Variants in TBCEL observed in about 807,000 individuals in gnomAD.
The protein encoded by TBCEL is tubulin folding cofactor E like, also known as tubulin-specific chaperone cofactor E-like protein.
TBCEL carries 15 observed loss-of-function variants against 44.2 expected under a neutral mutation model. The observed-to-expected ratio is 0.34, with a 90% CI of 0.23 to 0.52. The LOEUF is 0.52. TBCEL is among the 20% of genes least tolerant of loss of function. The probability of loss-of-function intolerance (pLI) is 0.95; values close to 1 mark genes in which losing one functional copy is unlikely to be tolerated. For synonymous variants in TBCEL, 171 were observed against 185.4 expected, an observed-to-expected ratio of 0.92 and a Z score of 0.63; for missense variants, 319 against 506.3, an observed-to-expected ratio of 0.63 and a Z score of 3.55.
intron 7 of TBCEL, among the ~76,000 whole-genome samples, chr11:121,058,919 T>A (rs1377277845): frequency 6.6e-6 from 1 of 151,972 alleles, no homozygotes; most frequent in Non-Finnish European, 1.5e-5. Context: ...GTAGATTGAC[T>A]TAAATATGAC....
intron 8 of TBCEL, among the ~76,000 whole-genome samples, chr11:121,082,354 C>T (rs1251260707): frequency 6.6e-6 from 1 of 152,302 alleles, no homozygotes; most frequent in East Asian, 1.9e-4. Context: ...TTATACTTTT[C>T]ATGTGTGCCA....
chr11:121,068,754 G>A lies in TBCEL; in HGVS notation c.956+8669G>A, dbSNP rs1176096480. Reference sequence around the variant, plus strand: ...CAAAAAAAATTACTTAGGCATGGTAGTGCATACCTGTAATCCCAGCTACTC... The same window carrying A: ...CAAAAAAAATTACTTAGGCATGGTAATGCATACCTGTAATCCCAGCTACTC... On this transcript the variant is annotated intron_variant, in intron 8 of 8. Coordinates refer to ENST00000683345, the MANE Select transcript of TBCEL (RefSeq NM_001363644.2). 2.6e-5 allele frequency among the ~76,000 whole-genome samples: 4 copies of A among 152,112 alleles called. No homozygotes were observed. In the East Asian group the frequency reaches 5.8e-4, roughly 22 times the overall value.
intron 4 of TBCEL, among the ~76,000 whole-genome samples, chr11:121,049,220 T>C (rs1945486419): frequency 6.6e-6 from 1 of 151,900 alleles, no homozygotes; most frequent in Non-Finnish European, 1.5e-5. Context: ...TCTTAAGAAA[T>C]TTACTTAATC....
At chr11:121,050,138 A>C (rs1279989355) in intron 4 of TBCEL, among the ~76,000 whole-genome samples, 1 of 151,734 alleles carries the variant, frequency 6.6e-6, no homozygotes, top group Non-Finnish European at 1.5e-5. Flanking sequence ...AAAAGGGAGA[A>C]ATATGACAAA....
At chr11:121,030,129 C>T (rs1030104093) in intron 1 of TBCEL, among the ~76,000 whole-genome samples, 1 of 152,104 alleles carries the variant, frequency 6.6e-6, no homozygotes, top group African/African-American at 2.4e-5. Flanking sequence ...GACTTAAACA[C>T]TGAGATGAAG....
chr11:121,080,304 G>T (rs1946102877), intron 8 of TBCEL, among the ~76,000 whole-genome samples: 1 of 152,152 alleles, frequency 6.6e-6, no homozygotes, highest in African/African-American at 2.4e-5. Flanking sequence ...TGCATTTCAG[G>T]AATGATAGAT....
chr11:121,085,086 T>G (rs552731602), intron 8 of TBCEL, among the ~76,000 whole-genome samples: 43 of 152,126 alleles, frequency 2.8e-4, no homozygotes, highest in Admixed American at 7.2e-4. Context: ...TCACCCAGGC[T>G]GGAGTGCAGT....
chr11:121,035,062 T>C (rs2000526), intron 1 of TBCEL, among the ~76,000 whole-genome samples: 22,418 of 152,158 alleles, frequency 0.15, 1,888 homozygotes, highest in East Asian at 0.33. Context: ...TAACAAAAAT[T>C]GCAAGTTAGT....
In TBCEL at chr11:121,087,280, A is replaced by G. The variant is rs759384161; in HGVS notation, c.*184A>G. 37 of 607,720 alleles carry G rather than the reference A, an allele frequency of 6.1e-5. No individual in the cohort carries two copies. The highest frequency in any genetic ancestry group is 9.4e-5 in the Admixed American group (3 of 32,012). 37.6% of individuals were successfully genotyped at this position (607,720 alleles called of 1,614,324 possible). The stretch of plus-strand genomic sequence containing the variant: ...GGGCCATTTTTGGGTGTTTTCTACC[A>G]CAGATTGATTTGGCTCAGCCAGCGG... On this transcript the variant is annotated 3_prime_UTR_variant, in exon 9 of 9. Coordinates refer to ENST00000683345, the MANE Select transcript of TBCEL (RefSeq NM_001363644.2).
chr11:121,067,310 A>G (rs1169882929), intron 8 of TBCEL, among the ~76,000 whole-genome samples: 1 of 152,218 alleles, frequency 6.6e-6, no homozygotes, highest in African/African-American at 2.4e-5. Context: ...ATGAAATGCA[A>G]AATCTGAATC....
At chr11:121,039,155 C>T (rs2134900546) in intron 2 of TBCEL, among the ~76,000 whole-genome samples, 1 of 152,302 alleles carries the variant, frequency 6.6e-6, no homozygotes, top group East Asian at 1.9e-4. Flanking sequence ...CCTGCTTTCC[C>T]CCTCGTCAGC....
chr11:121,060,262 A>G (rs1041192726), intron 8 of TBCEL, among the ~76,000 whole-genome samples, 177 bp downstream of exon 8: 10 of 151,944 alleles, frequency 6.6e-5, no homozygotes, highest in African/African-American at 2.4e-4. Context: ...TTTCCACAGT[A>G]TATTTCTTTC....
At chr11:121,073,814 G>A (rs540650233) in intron 8 of TBCEL, among the ~76,000 whole-genome samples, 1 of 151,754 alleles carries the variant, frequency 6.6e-6, no homozygotes, top group African/African-American at 2.4e-5. Flanking sequence ...TGTTCTTTTT[G>A]CATTGAGATG....
At chr11:121,043,905 GT>G (rs1945380082) in intron 2 of TBCEL, among the ~76,000 whole-genome samples, 1 of 151,908 alleles carries the variant, frequency 6.6e-6, no homozygotes. Context: ...ACTCCAGATT[GT>G]TTCCCTGGAT....
chr11:121,067,088 T>G (rs557270187), intron 8 of TBCEL, among the ~76,000 whole-genome samples: 6 of 152,326 alleles, frequency 3.9e-5, no homozygotes, highest in East Asian at 1.9e-4. Context: ...CTAATTAACT[T>G]TAACATAAAG....
At chr11:121,071,389 A>G (rs1945929128) in intron 8 of TBCEL, among the ~76,000 whole-genome samples, 1 of 152,172 alleles carries the variant, frequency 6.6e-6, no homozygotes, top group Admixed American at 6.5e-5. Flanking sequence ...AAGTAAATGC[A>G]TTGATTTAGG....
intron 1 of TBCEL, among the ~76,000 whole-genome samples, chr11:121,025,836 G>T (rs10892662): frequency 0.2 from 30,699 of 151,738 alleles, 3,243 homozygotes; most frequent in East Asian, 0.32. Context: ...TTTTCTGAAG[G>T]ACCATAATCT....
intron 4 of TBCEL, among the ~76,000 whole-genome samples, chr11:121,050,673 A>G (rs541008193): frequency 1.4e-4 from 21 of 151,804 alleles, no homozygotes; most frequent in African/African-American, 4.6e-4. Context: ...AGGAGGGAGG[A>G]AGTAGCCACT....
rs552870099 is a variant in TBCEL at position 121,090,742 on chromosome 11, A to G, written c.*3646A>G. The G allele has an allele frequency of 1.3e-5, 2 of 151,282 alleles. No homozygotes were observed. The highest frequency in any genetic ancestry group is 1.3e-4 in the Admixed American group (2 of 15,164). The allele number at this position is 151,282 out of a possible 1,614,324, so 9.4% of individuals were successfully genotyped here. A position where few individuals can be genotyped will look rare whatever the true frequency, so the allele number is the denominator to read the frequency against. On this transcript the variant is annotated 3_prime_UTR_variant, in exon 9 of 9. Transcript: ENST00000683345. ...ACTTTTTATTAATATATATATAGAT[A>G]ATCTTTAAAAAAATTAAAATTCAAG...
Sources: gnomAD v4.1 joint callset for allele counts (sites outside exome capture counted in the v4.1 genomes callset) on GRCh38, gnomAD v4.1.1 for gene constraint, MANE v1.5 for transcripts, NCBI Gene and HGNC (gene_info 2026-07-23, HGNC 2026-07-21) for gene names.